The following ADCK1 variants were observed in gnomAD, a reference collection of about 807,000 sequenced individuals.
The protein encoded by ADCK1 is aarF domain containing kinase 1.
ADCK1 carries 41 observed loss-of-function variants against 52.3 expected under a neutral mutation model. That is an observed-to-expected ratio of 0.78 (90% CI 0.61 to 1.02). The LOEUF (loss-of-function observed/expected upper bound fraction) is 1.02. Among genes scored for constraint, ADCK1 ranks in the 50% least tolerant of loss-of-function variants. The pLI is 0.00. For synonymous variants in ADCK1, 250 were observed against 274.6 expected (o/e 0.91, Z 0.89); for missense variants, 658 against 679.5 (o/e 0.97, Z 0.35).
chr14:77,833,286 G>C (rs2081895076), intron 3 of ADCK1, among the ~76,000 whole-genome samples: 1 of 152,208 alleles, frequency 6.6e-6, no homozygotes. Context: ...TGCACGTGCA[G>C]CACCTGTCGA....
chr14:77,915,236 GGTTA>G (rs762983277), intron 7 of ADCK1, among the ~76,000 whole-genome samples: 1 of 151,514 alleles, frequency 6.6e-6, no homozygotes, highest in Non-Finnish European at 1.5e-5. Context: ...ACAACGTGCA[GGTTA>G]GTTACATATG....
chr14:77,850,742 C>T (rs991695723), intron 3 of ADCK1, among the ~76,000 whole-genome samples: 4 of 151,250 alleles, frequency 2.6e-5, no homozygotes, highest in African/African-American at 9.7e-5. Flanking sequence ...ACTCCACCTC[C>T]CGGATTCACG....
chr14:77,910,564 G>A (rs1368976094), intron 7 of ADCK1, among the ~76,000 whole-genome samples: 1 of 152,210 alleles, frequency 6.6e-6, no homozygotes, highest in African/African-American at 2.4e-5. Context: ...ATCCCCGCCA[G>A]GTTCCTGGCA....
chr14:77,827,225 G>A (rs2081731106), intron 3 of ADCK1, among the ~76,000 whole-genome samples: 1 of 151,372 alleles, frequency 6.6e-6, no homozygotes, highest in South Asian at 2.1e-4. Context: ...GGTGGTGGGC[G>A]CCTGTAGTCC....
intron 3 of ADCK1, among the ~76,000 whole-genome samples, chr14:77,842,455 CCTTCCT>C (rs2082091540): frequency 2.3e-5 from 1 of 43,850 alleles, no homozygotes; most frequent in African/African-American, 5.7e-5. Flanking sequence ...TTTTTTCCTT[CCTTCCT>C]TCCTTCCTTC....
chr14:77,828,576 C>T (rs1305137291), intron 3 of ADCK1, among the ~76,000 whole-genome samples: 2 of 151,928 alleles, frequency 1.3e-5, no homozygotes, highest in Non-Finnish European at 2.9e-5. Context: ...CTCTTGTTGC[C>T]CAGGATGGAG....
chr14:77,933,680 C>T lies in ADCK1; in HGVS notation c.*289C>T, dbSNP rs913407056. 9.3e-5 allele frequency: 34 copies of T among 365,040 alleles called. No individual in the cohort carries two copies. Among genetic ancestry groups the T allele is most frequent in the Middle Eastern group, 7.4e-4 (1 of 1,346 alleles). 22.6% of individuals were successfully genotyped at this position (365,040 alleles called of 1,614,324 possible). A position where few individuals can be genotyped will look rare whatever the true frequency, so the allele number is the denominator to read the frequency against. ...TTGGGTTGGATGTCCCCACTACTTC[C>T]GTTAACCCTTCCCATTGTCAAGATG... On this transcript the variant is annotated 3_prime_UTR_variant, in exon 11 of 11. Transcript: ENST00000238561.
chr14:77,872,467 C>T lies in ADCK1; in HGVS notation c.423+13188C>T, dbSNP rs368350812. On this transcript the variant is annotated intron_variant, in intron 4 of 10. Coordinates refer to ENST00000238561, the MANE Select transcript of ADCK1 (RefSeq NM_020421.4). ...TGACCTGTGTTCCCTAAAAGCCAAT[C>T]ATAAGGTGGCTGAGGAGGTTCTTGA... 1.2e-4 allele frequency among the ~76,000 whole-genome samples: 18 copies of T among 152,134 alleles called. No individual in the cohort carries two copies. In the South Asian group the frequency reaches 3.5e-3, roughly 30 times the overall value.
chr14:77,813,968 A>G (rs576373255), intron 1 of ADCK1, among the ~76,000 whole-genome samples: 2 of 151,930 alleles, frequency 1.3e-5, no homozygotes, highest in African/African-American at 2.4e-5. Flanking sequence ...GGGTTTTGCC[A>G]TGTTGGCAAG....
intron 4 of ADCK1, among the ~76,000 whole-genome samples, chr14:77,875,308 G>T (rs1566690031): frequency 6.6e-6 from 1 of 152,058 alleles, no homozygotes; most frequent in Non-Finnish European, 1.5e-5. Context: ...GGTGTTAGCA[G>T]GTCATCCTAC....
intron 3 of ADCK1, among the ~76,000 whole-genome samples, chr14:77,847,833 C>T (rs562503195): frequency 3.3e-5 from 5 of 152,138 alleles, no homozygotes; most frequent in Non-Finnish European, 5.9e-5. Flanking sequence ...TTCCAGATCC[C>T]CCTGTGTGTT....
At chr14:77,898,512 C>G (rs1374789457) in intron 5 of ADCK1, among the ~76,000 whole-genome samples, 2 of 152,138 alleles carry the variant, frequency 1.3e-5, no homozygotes, top group African/African-American at 4.8e-5. Context: ...AGCTGGGAGC[C>G]ATTATCCTCA....
chr14:77,852,652 AATAAATAAATATATAT>A (rs1394166973), intron 3 of ADCK1, among the ~76,000 whole-genome samples: 340 of 32,576 alleles, frequency 0.01, 11 homozygotes, highest in South Asian at 0.087. Context: ...TATTTCTTTA[AATAAATAAATATATAT>A]ATATATATAT....
chr14:77,826,044 G>A (rs1225989667), intron 3 of ADCK1, among the ~76,000 whole-genome samples: 1 of 152,192 alleles, frequency 6.6e-6, no homozygotes, highest in Admixed American at 6.5e-5. Context: ...TCATCTGAAA[G>A]GCAGTGACAC....
chr14:77,905,965 G>T (rs1023160946), intron 6 of ADCK1, among the ~76,000 whole-genome samples: 1 of 152,156 alleles, frequency 6.6e-6, no homozygotes, highest in African/African-American at 2.4e-5. Flanking sequence ...GGCAGAAACC[G>T]CAGTCAAGCA....
At chr14:77,846,674 G>T (rs553547312) in intron 3 of ADCK1, among the ~76,000 whole-genome samples, 4 of 152,328 alleles carry the variant, frequency 2.6e-5, no homozygotes, top group Admixed American at 2.6e-4. Context: ...AGGGCAGAGT[G>T]GGGGCTGGTG....
At chr14:77,869,764 A>G (rs4903662) in intron 4 of ADCK1, among the ~76,000 whole-genome samples, 109,499 of 152,048 alleles carry the variant, frequency 0.72, 39,581 homozygotes, top group Admixed American at 0.76. Flanking sequence ...TATCTCTCCC[A>G]GCAACTTCTG....
At chr14:77,927,698 G>A (rs377399461) in intron 9 of ADCK1, among the ~76,000 whole-genome samples, 19 of 152,282 alleles carry the variant, frequency 1.2e-4, no homozygotes, top group African/African-American at 4.6e-4. Context: ...AGGCCCAAAG[G>A]ACAAGAAAGG....
At chr14:77,882,257 AG>A (rs965436047) in intron 4 of ADCK1, among the ~76,000 whole-genome samples, 1 of 151,766 alleles carries the variant, frequency 6.6e-6, no homozygotes, top group Non-Finnish European at 1.5e-5. Flanking sequence ...AGCCAGGTGT[AG>A]GGGGGGCCAG....
Sources: gnomAD v4.1 joint callset for allele counts (sites outside exome capture counted in the v4.1 genomes callset) on GRCh38, gnomAD v4.1.1 for gene constraint, MANE v1.5 for transcripts, NCBI Gene and HGNC (gene_info 2026-07-23, HGNC 2026-07-21) for gene names.